Variants in CPSF7 observed in about 807,000 individuals in gnomAD.
CPSF7 encodes the protein cleavage and polyadenylation specificity factor subunit 7.
Under a neutral mutation model 44.3 loss-of-function variants are expected in CPSF7, and 1 was observed. The ratio of observed to expected loss-of-function variants is 0.02; its 90% confidence interval spans 0.01 to 0.11. The LOEUF (loss-of-function observed/expected upper bound fraction) is 0.11. Ranked by LOEUF, CPSF7 falls within the 10% of genes least tolerant of loss-of-function variation. The pLI is 1.00. For missense variants in CPSF7, 443 were observed against 607.2 expected (o/e 0.73, Z 2.84); for synonymous variants, 202 against 222.0 (o/e 0.91, Z 0.80).
In CPSF7 at chr11:61,421,041, C is replaced by T. The variant is rs1357772807; in HGVS notation, c.273+349G>A. 4.6e-6 allele frequency: 6 copies of T among 1,310,372 alleles called. No individual in the cohort carries two copies. In the East Asian group the frequency reaches 2.3e-4, roughly 51 times the overall value. 81.2% of individuals were successfully genotyped at this position (1,310,372 alleles called of 1,614,324 possible). A position where few individuals can be genotyped will look rare whatever the true frequency, so the allele number is the denominator to read the frequency against. ...TACTAGAGTTATCAAGGTCTTTAAT[C>T]CCCATCACCCACCATTATCACAGGA... On this transcript the variant is annotated intron_variant, in intron 3 of 9. Transcript: ENST00000439958.
chr11:61,429,159 C>G, intron 2 of CPSF7, 23 bp downstream of exon 2: 1 of 1,401,810 alleles, frequency 7.1e-7, no homozygotes, highest in Non-Finnish European at 1.0e-6. Context: ...AGGAAAATCC[C>G]AAAGCTCCTG....
At chr11:61,426,028 C>A (rs1446981018) in intron 2 of CPSF7, among the ~76,000 whole-genome samples, 3 of 152,238 alleles carry the variant, frequency 2.0e-5, no homozygotes, top group African/African-American at 7.2e-5. Context: ...AGAGTTCTCC[C>A]TGGCCCAAGA....
intron 5 of CPSF7, among the ~76,000 whole-genome samples, chr11:61,419,735 C>T (rs1860683569): frequency 6.6e-6 from 1 of 152,134 alleles, no homozygotes; most frequent in South Asian, 2.1e-4. Flanking sequence ...ACAACCTGAA[C>T]CTACTTGACT....
rs538691722 is a variant in CPSF7 at position 61,409,259 on chromosome 11, G to C, written c.*5+1679C>G. ...GAGGCCGAGTCAGGTGGATCACGAGGTCAGGAGTTCAAGACCAGCCTGGCC... is the reference window on the plus strand; with the variant it reads ...GAGGCCGAGTCAGGTGGATCACGAGCTCAGGAGTTCAAGACCAGCCTGGCC... On this transcript the variant is annotated intron_variant, in intron 9 of 9. Transcript: ENST00000439958. 1.7e-4 allele frequency among the ~76,000 whole-genome samples: 26 copies of C among 152,168 alleles called. 1 individual carries two copies. The highest frequency in any genetic ancestry group is 6.3e-4 in the African/African-American group (26 of 41,514).
At chr11:61,425,216 G>A (rs931149250) in intron 2 of CPSF7, among the ~76,000 whole-genome samples, 1 of 152,208 alleles carries the variant, frequency 6.6e-6, no homozygotes, top group African/African-American at 2.4e-5. Context: ...AAGAAACAAG[G>A]TATCAAATTG....
intron 2 of CPSF7, among the ~76,000 whole-genome samples, chr11:61,427,999 G>C (rs972844537): frequency 1.3e-5 from 2 of 152,162 alleles, no homozygotes; most frequent in Non-Finnish European, 2.9e-5. Flanking sequence ...GCTCTTACCA[G>C]GTCCTTATGT....
intron 7 of CPSF7, 141 bp from the exon 8 acceptor site, chr11:61,412,078 G>C (rs1030436012): frequency 1.4e-5 from 9 of 644,894 alleles, no homozygotes; most frequent in African/African-American, 5.4e-5. Context: ...GGCAGATGTT[G>C]CAAGTGTAAA....
chr11:61,405,241 C>G (rs1354417609), intron 9 of CPSF7, among the ~76,000 whole-genome samples: 1 of 152,194 alleles, frequency 6.6e-6, no homozygotes, highest in Non-Finnish European at 1.5e-5. Context: ...TGCACATACA[C>G]AGGAAACTCT....
chr11:61,410,304 C>T (rs991787192), intron 9 of CPSF7, among the ~76,000 whole-genome samples: 1 of 152,094 alleles, frequency 6.6e-6, no homozygotes, highest in African/African-American at 2.4e-5. Context: ...AGGCTGGTCT[C>T]GAACTCCTGG....
At chr11:61,410,260 T>C (rs1382821269) in intron 9 of CPSF7, among the ~76,000 whole-genome samples, 1 of 151,694 alleles carries the variant, frequency 6.6e-6, no homozygotes, top group Non-Finnish European at 1.5e-5. Context: ...AATTTTTGTA[T>C]TTTTTGTAGA....
At chr11:61,425,589 T>C (rs1163784526) in intron 2 of CPSF7, among the ~76,000 whole-genome samples, 2 of 152,234 alleles carry the variant, frequency 1.3e-5, no homozygotes, top group African/African-American at 4.8e-5. Flanking sequence ...CTGCTCAGTG[T>C]TCCTAACCTC....
At chr11:61,405,357 C>A (rs1257967512) in intron 9 of CPSF7, among the ~76,000 whole-genome samples, 1 of 152,060 alleles carries the variant, frequency 6.6e-6, no homozygotes, top group East Asian at 1.9e-4. Flanking sequence ...TACTAAAACT[C>A]GAGATTTTAA....
intron 2 of CPSF7, among the ~76,000 whole-genome samples, chr11:61,424,925 G>A (rs1861217782): frequency 6.6e-6 from 1 of 152,200 alleles, no homozygotes; most frequent in African/African-American, 2.4e-5. Flanking sequence ...AAATTGAGTA[G>A]TGGACTAACA....
intron 2 of CPSF7, 26 bp from the exon 3 acceptor site, chr11:61,421,634 T>C (rs1860888852): frequency 6.5e-7 from 1 of 1,537,834 alleles, no homozygotes; most frequent in Non-Finnish European, 9.0e-7. Flanking sequence ...TTGGCAAAGG[T>C]AGGTCTGCAA....
intron 5 of CPSF7, among the ~76,000 whole-genome samples, chr11:61,418,926 C>T (rs900475186): frequency 2.0e-5 from 3 of 152,048 alleles, no homozygotes; most frequent in Non-Finnish European, 4.4e-5. Flanking sequence ...GCCATGTTGC[C>T]CAGGCTGGTC....
chr11:61,429,021 A>C, intron 2 of CPSF7, 161 bp downstream of exon 2: 1 of 515,768 alleles, frequency 1.9e-6, no homozygotes, highest in Non-Finnish European at 3.5e-6. Context: ...CATAAAGAGG[A>C]ATGGAGTGTA....
intron 9 of CPSF7, among the ~76,000 whole-genome samples, chr11:61,407,039 G>A (rs1008646056): frequency 1.3e-5 from 2 of 152,148 alleles, no homozygotes; most frequent in Admixed American, 6.5e-5. Flanking sequence ...CCAAAGTGTT[G>A]AAGTTACAGG....
At position 61,404,366 on chromosome 11, in the gene CPSF7, T is replaced by C. The variant is rs550249925; in HGVS notation, c.*344A>G. The C allele has an allele frequency of 3.3e-5, 5 of 152,622 alleles. No individual in the cohort carries two copies. Among genetic ancestry groups the C allele is most frequent in the African/African-American group, 9.7e-5 (4 of 41,436 alleles). 9.5% of individuals were successfully genotyped at this position (152,622 alleles called of 1,614,324 possible). A position where few individuals can be genotyped will look rare whatever the true frequency, so the allele number is the denominator to read the frequency against. ...GGAAGTCTTCCCATCAACCTCACCA[T>C]TGAACGGCTCCCGGAGAATCAGAAA... On this transcript the variant is annotated 3_prime_UTR_variant, in exon 10 of 10. Transcript: ENST00000439958.
intron 2 of CPSF7, among the ~76,000 whole-genome samples, chr11:61,423,105 CAAAAAAAAAAAAAA>C (rs71471824): frequency 5.7e-5 from 3 of 52,352 alleles, no homozygotes; most frequent in African/African-American, 2.7e-4. Flanking sequence ...GACCCCATAT[CAAAAAAAAAAAAAA>C]AAAAAAAAAA....
Sources: allele counts gnomAD v4.1 joint callset (sites outside exome capture counted in the v4.1 genomes callset), GRCh38; gene constraint gnomAD v4.1.1; transcripts MANE v1.5; gene names NCBI Gene and HGNC (gene_info 2026-07-23, HGNC 2026-07-21).